The following SPIRE1 variants were observed in gnomAD, a reference collection of about 807,000 sequenced individuals.
The protein encoded by SPIRE1 is spire type actin nucleation factor 1.
A neutral mutation model predicts 94.1 loss-of-function variants in SPIRE1; 40 were observed. That is an observed-to-expected ratio of 0.43 (90% CI 0.33 to 0.55). The LOEUF (loss-of-function observed/expected upper bound fraction) is 0.55. Among genes scored for constraint, SPIRE1 ranks in the 20% least tolerant of loss-of-function variants. The pLI is 0.06. For missense variants in SPIRE1, 838 were observed against 975.2 expected (o/e 0.86, Z 1.87); for synonymous variants, 376 against 371.7 (o/e 1.01, Z -0.13).
intron 4 of SPIRE1, among the ~76,000 whole-genome samples, chr18:12,533,481 CAAGTGTG>C (rs1223046316): frequency 6.6e-6 from 1 of 152,138 alleles, no homozygotes; most frequent in Non-Finnish European, 1.5e-5. Context: ...ATCTCGCACA[CAAGTGTG>C]AATATCCAAT....
chr18:12,512,954 C>CACA (rs2034083972), intron 4 of SPIRE1, among the ~76,000 whole-genome samples: 1 of 152,044 alleles, frequency 6.6e-6, no homozygotes. Context: ...TTTCAGATAT[C>CACA]ACACTCAACA....
At chr18:12,458,025 T>C (rs2031603851) in intron 12 of SPIRE1, among the ~76,000 whole-genome samples, 2 of 151,450 alleles carry the variant, frequency 1.3e-5, no homozygotes, top group South Asian at 2.1e-4. Flanking sequence ...TTTGTATTTT[T>C]AGTAGAGACG....
intron 4 of SPIRE1, among the ~76,000 whole-genome samples, chr18:12,534,266 T>TTTAG (rs1292090859): frequency 6.6e-6 from 1 of 152,188 alleles, no homozygotes; most frequent in Non-Finnish European, 1.5e-5. Context: ...AATAGTTTAG[T>TTTAG]TTTTCCTTTT....
chr18:12,478,182 T>C (rs548226095), intron 10 of SPIRE1, among the ~76,000 whole-genome samples: 6 of 152,080 alleles, frequency 3.9e-5, no homozygotes, highest in Admixed American at 6.6e-5. Flanking sequence ...TTCCTCAGAT[T>C]CTACCTTGGA....
At position 12,559,044 on chromosome 18, in the gene SPIRE1, C is replaced by T. The variant is rs1017435312; in HGVS notation, c.373-12140G>A. On this transcript the variant is annotated intron_variant, in intron 2 of 16. Coordinates refer to ENST00000409402, the MANE Select transcript of SPIRE1 (RefSeq NM_001128626.2). The surrounding 1 kb of genome is among the most constrained non-coding windows in gnomAD (Gnocchi z 4.7). Reference sequence around the variant, plus strand: ...CCTAGTGGATCCTGCACCAGGGCGGCGGGCAGAGGTGCCCGCCAGTCCCGT... The same window carrying T: ...CCTAGTGGATCCTGCACCAGGGCGGTGGGCAGAGGTGCCCGCCAGTCCCGT... Among the ~76,000 whole-genome samples the T allele has an allele frequency of 1.3e-5, 2 of 152,122 alleles. No individual in the cohort carries two copies. Among genetic ancestry groups the T allele is most frequent in the South Asian group, 2.1e-4 (1 of 4,824 alleles).
chr18:12,607,206 TA>T (rs894720889), intron 2 of SPIRE1, among the ~76,000 whole-genome samples: 4 of 152,170 alleles, frequency 2.6e-5, no homozygotes, highest in African/African-American at 9.6e-5. Context: ...AGAAAGACTT[TA>T]AAAAAAATAG....
intron 2 of SPIRE1, among the ~76,000 whole-genome samples, chr18:12,550,663 G>A (rs887896726): frequency 2.2e-4 from 33 of 152,018 alleles, no homozygotes; most frequent in African/African-American, 7.5e-4. Flanking sequence ...TCTGTAATGC[G>A]CCCATCTCTC....
chr18:12,605,241 G>C (rs529304044), intron 2 of SPIRE1, among the ~76,000 whole-genome samples: 1 of 152,168 alleles, frequency 6.6e-6, no homozygotes, highest in Non-Finnish European at 1.5e-5. Flanking sequence ...ATAAAAGGCT[G>C]GGCATGGTGG....
chr18:12,562,083 A>G (rs933097964), intron 2 of SPIRE1, among the ~76,000 whole-genome samples: 3 of 152,236 alleles, frequency 2.0e-5, no homozygotes, highest in African/African-American at 7.2e-5. Context: ...TTGTAATCAG[A>G]AAACTAGCAT....
intron 8 of SPIRE1, among the ~76,000 whole-genome samples, chr18:12,488,640 C>T (rs1286890085): frequency 6.6e-6 from 1 of 151,978 alleles, no homozygotes; most frequent in African/African-American, 2.4e-5. Context: ...ATTTACATCC[C>T]AAGCACACAT....
intron 4 of SPIRE1, among the ~76,000 whole-genome samples, chr18:12,520,267 T>C (rs1280899301): frequency 1.3e-5 from 2 of 152,142 alleles, no homozygotes; most frequent in Admixed American, 6.5e-5. Context: ...TTGTTGCCCA[T>C]ATATAGGGAG....
intron 2 of SPIRE1, among the ~76,000 whole-genome samples, chr18:12,574,654 T>C (rs1052205583): frequency 6.6e-6 from 1 of 152,138 alleles, no homozygotes; most frequent in Non-Finnish European, 1.5e-5. Flanking sequence ...GAACATACAG[T>C]GGGATTCCCT....
At chr18:12,570,196 G>A (rs529583894) in intron 2 of SPIRE1, among the ~76,000 whole-genome samples, 1 of 152,276 alleles carries the variant, frequency 6.6e-6, no homozygotes, top group Non-Finnish European at 1.5e-5. Context: ...CTCCTTTGCT[G>A]GCATGATCAA....
chr18:12,520,116 A>G (rs543011107), intron 4 of SPIRE1, among the ~76,000 whole-genome samples: 4 of 152,370 alleles, frequency 2.6e-5, no homozygotes, highest in Admixed American at 2.6e-4. Context: ...AAAGCTATTT[A>G]CTGATATGAA....
chr18:12,602,482 A>C (rs1345184066), intron 2 of SPIRE1, among the ~76,000 whole-genome samples: 1 of 152,182 alleles, frequency 6.6e-6, no homozygotes, highest in African/African-American at 2.4e-5. Flanking sequence ...ACCCTTTGAG[A>C]TTGTCATCCC....
intron 2 of SPIRE1, among the ~76,000 whole-genome samples, chr18:12,576,352 C>G (rs930296902): frequency 5.9e-5 from 9 of 151,814 alleles, no homozygotes; most frequent in African/African-American, 1.9e-4. Context: ...AATCCTGACA[C>G]TTTGGGAGGC....
At chr18:12,617,450 T>C (rs1353631315) in intron 2 of SPIRE1, among the ~76,000 whole-genome samples, 1 of 151,548 alleles carries the variant, frequency 6.6e-6, no homozygotes, top group Non-Finnish European at 1.5e-5. Flanking sequence ...TTCGCTTTTT[T>C]GTCCAGGCTG....
rs184651893 is a variant in SPIRE1, at chr18:12,486,929, C to T, written c.1190-929G>A. On this transcript the variant is annotated intron_variant, in intron 8 of 16. Transcript: ENST00000409402. ...GGGCAGTGGTGTGATCTCAGCTCAC[C>T]GCAACCTCCGCCTCCCGGGTTCAAG... Among the ~76,000 whole-genome samples the T allele has an allele frequency of 6.5e-4, 99 of 152,164 alleles. No individual in the cohort carries two copies. In the Middle Eastern group the frequency reaches 0.024, roughly 37 times the overall value.
At chr18:12,630,396 G>C (rs567470400) in intron 2 of SPIRE1, among the ~76,000 whole-genome samples, 1 of 152,056 alleles carries the variant, frequency 6.6e-6, no homozygotes, top group East Asian at 1.9e-4. Flanking sequence ...ACAGTGGCTC[G>C]TGCCTGTAAT....
Sources: allele counts gnomAD v4.1 joint callset (sites outside exome capture counted in the v4.1 genomes callset), GRCh38; gene constraint gnomAD v4.1.1; non-coding constraint Gnocchi (gnomAD v3.1); transcripts MANE v1.5; gene names NCBI Gene and HGNC (gene_info 2026-07-23, HGNC 2026-07-21).